The following ZFHX3 variants were observed in gnomAD, a reference collection of about 807,000 sequenced individuals.
The protein encoded by ZFHX3 is zinc finger homeobox 3, also known as zinc finger homeobox protein 3.
In ZFHX3, 42 loss-of-function variants were observed where a neutral mutation model predicts 279.1. The ratio of observed to expected loss-of-function variants is 0.15; its 90% CI spans 0.12 to 0.19. The LOEUF is 0.19. Among genes scored for constraint, ZFHX3 ranks in the 10% least tolerant of loss-of-function variants. ZFHX3 has a pLI of 1.00. For synonymous variants in ZFHX3, 2,293 were observed against 1,957.8 expected (o/e 1.17, Z -4.52); for missense variants, 4,981 against 4,754.0 (o/e 1.05, Z -1.40).
At position 73,020,013 on chromosome 16, in the gene ZFHX3, G is replaced by A. The variant is rs145483359; in HGVS notation, c.-50+27739C>T. On this transcript the variant is annotated intron_variant, in intron 1 of 9. Coordinates refer to ENST00000268489, the MANE Select transcript of ZFHX3 (RefSeq NM_006885.4). ...CATTCCATGGGAACTATCACCATTC[G>A]TTATCATCGCTGAAAGACAAAATCC... Among the ~76,000 whole-genome samples, 408 of 152,178 alleles carry A rather than the reference G, an allele frequency of 2.7e-3. 2 individuals carry two copies. Among genetic ancestry groups the A allele is most frequent in the African/African-American group, 9.4e-3 (391 of 41,516 alleles).
intron 2 of ZFHX3, among the ~76,000 whole-genome samples, chr16:73,677,340 T>C (rs940277115): frequency 6.6e-6 from 1 of 151,862 alleles, no homozygotes; most frequent in African/African-American, 2.4e-5. Context: ...AAACAATGGA[T>C]AAAGTAAGAA....
At chr16:73,216,448 C>T (rs1017732344) in intron 5 of ZFHX3, among the ~76,000 whole-genome samples, 1 of 152,218 alleles carries the variant, frequency 6.6e-6, no homozygotes, top group Non-Finnish European at 1.5e-5. Flanking sequence ...ACTTGTCAAA[C>T]TGGATATCGC....
At chr16:73,590,916 A>G (rs1052679891) in intron 2 of ZFHX3, among the ~76,000 whole-genome samples, 1 of 152,174 alleles carries the variant, frequency 6.6e-6, no homozygotes, top group Admixed American at 6.5e-5. Context: ...TTTGGGAAAA[A>G]AAAATCAAAC....
intron 4 of ZFHX3, among the ~76,000 whole-genome samples, chr16:73,298,925 C>G (rs2014990271): frequency 1.3e-5 from 2 of 152,162 alleles, no homozygotes; most frequent in African/African-American, 4.8e-5. Flanking sequence ...TGTATGAAAA[C>G]AAAAGCTATG....
rs527916770 is a variant in ZFHX3 at position 73,607,002 on chromosome 16, C to CAACAACAAA, written c.-1547+73177_-1547+73178insTTTGTTGTT. Among the ~76,000 whole-genome samples, 93 of 152,184 alleles carry CAACAACAAA rather than the reference C, an allele frequency of 6.1e-4. No homozygotes were observed. The South Asian group carries it at 0.017, about 27-fold the overall frequency. On this transcript the variant is annotated intron_variant, in intron 2 of 17. Coordinates refer to the ZFHX3 transcript ENST00000641206. Reference sequence around the variant, plus strand: ...CAGAAAACAAACAAACAAACAACAACAACAAAAACAAATAAAAAGGACATG... The same window carrying CAACAACAAA: ...CAGAAAACAAACAAACAAACAACAACAACAACAAAAACAAAAACAAATAAAAAGGACATG...
chr16:73,383,968 G>C (rs75619802), intron 3 of ZFHX3, among the ~76,000 whole-genome samples: 2 of 152,278 alleles, frequency 1.3e-5, no homozygotes, highest in Non-Finnish European at 2.9e-5. Flanking sequence ...TCATTTTAAA[G>C]GCCTCCCAAA....
At chr16:73,372,386 C>G (rs756596179) in intron 3 of ZFHX3, among the ~76,000 whole-genome samples, 18 of 152,214 alleles carry the variant, frequency 1.2e-4, no homozygotes, top group Admixed American at 2.6e-4. Context: ...AAGAATAACA[C>G]GTTTACTACT....
At chr16:72,813,444 C>A (rs1029211749) in intron 5 of ZFHX3, among the ~76,000 whole-genome samples, 3 of 152,166 alleles carry the variant, frequency 2.0e-5, no homozygotes, top group African/African-American at 7.2e-5. Context: ...TCATTAAAAT[C>A]ATAAGGCCAC....
chr16:72,961,397 G>C (rs1328809026), intron 1 of ZFHX3, among the ~76,000 whole-genome samples: 1 of 152,240 alleles, frequency 6.6e-6, no homozygotes, highest in African/African-American at 2.4e-5. Flanking sequence ...TGCTCCTGCA[G>C]TAATATCATC....
intron 2 of ZFHX3, among the ~76,000 whole-genome samples, chr16:73,624,482 AAAAG>A (rs2052397089): frequency 2.0e-5 from 3 of 152,124 alleles, no homozygotes; most frequent in Non-Finnish European, 2.9e-5. Flanking sequence ...AGGAGGGAGG[AAAAG>A]AAAGAAAGGC....
intron 4 of ZFHX3, among the ~76,000 whole-genome samples, chr16:72,876,260 T>G (rs1345090809): frequency 6.6e-6 from 1 of 152,182 alleles, no homozygotes; most frequent in East Asian, 1.9e-4. Flanking sequence ...CTCTGTAAAT[T>G]CAGACTTCTT....
chr16:73,820,034 G>A (rs1480609064), intron 1 of ZFHX3, among the ~76,000 whole-genome samples: 1 of 152,122 alleles, frequency 6.6e-6, no homozygotes, highest in African/African-American at 2.4e-5. Flanking sequence ...CCTTGAATCT[G>A]GGTGGCCATG....
intron 1 of ZFHX3, among the ~76,000 whole-genome samples, chr16:73,036,698 T>A (rs753128567): frequency 6.6e-6 from 1 of 151,870 alleles, no homozygotes; most frequent in Non-Finnish European, 1.5e-5. Context: ...GGCGCTTTGA[T>A]CCCCTCGGTC....
At chr16:72,877,438 C>G (rs1230517252) in intron 4 of ZFHX3, among the ~76,000 whole-genome samples, 1 of 152,136 alleles carries the variant, frequency 6.6e-6, no homozygotes, top group Non-Finnish European at 1.5e-5. Context: ...ACATCACGGT[C>G]TTCTGTATGA....
At chr16:73,679,221 A>C (rs2052985897) in intron 2 of ZFHX3, among the ~76,000 whole-genome samples, 1 of 152,020 alleles carries the variant, frequency 6.6e-6, no homozygotes, top group Non-Finnish European at 1.5e-5. Context: ...ACTTCATCAA[A>C]ATGAACGTCT....
intron 3 of ZFHX3, among the ~76,000 whole-genome samples, chr16:73,340,927 A>T (rs984371274): frequency 6.6e-6 from 1 of 152,230 alleles, no homozygotes; most frequent in Non-Finnish European, 1.5e-5. Context: ...TATAACATTT[A>T]AAAAATTGCA....
At chr16:73,848,260 G>A (rs1961502338) in intron 1 of ZFHX3, among the ~76,000 whole-genome samples, 1 of 151,990 alleles carries the variant, frequency 6.6e-6, no homozygotes, top group African/African-American at 2.4e-5. Flanking sequence ...GAGCACTCAG[G>A]AGCTTCCTAG....
chr16:73,143,917 C>T (rs905637659), intron 5 of ZFHX3: 9 of 463,908 alleles, frequency 1.9e-5, no homozygotes, highest in Non-Finnish European at 2.7e-5. Flanking sequence ...AATGATTCTC[C>T]CATTGCTTTT....
At chr16:73,475,790 A>G (rs930934278) in intron 2 of ZFHX3, among the ~76,000 whole-genome samples, 1 of 152,126 alleles carries the variant, frequency 6.6e-6, no homozygotes, top group Non-Finnish European at 1.5e-5. Flanking sequence ...TAAAATATAT[A>G]AATACTTTAG....
Sources: allele counts gnomAD v4.1 joint callset (sites outside exome capture counted in the v4.1 genomes callset), GRCh38; gene constraint gnomAD v4.1.1; transcripts MANE v1.5; gene names NCBI Gene and HGNC (gene_info 2026-07-23, HGNC 2026-07-21).